Variants in PAPPA2 observed in about 807,000 individuals in gnomAD.
PAPPA2 encodes the protein pappalysin 2.
PAPPA2 carries 86 observed loss-of-function variants against 176.4 expected under a neutral mutation model. The observed-to-expected ratio is 0.49, with a 90% CI of 0.41 to 0.58. PAPPA2 has a LOEUF of 0.58. Ranked by LOEUF, PAPPA2 falls within the 20% of genes least tolerant of loss-of-function variation. PAPPA2 has a pLI of 0.00. For synonymous variants in PAPPA2, 809 were observed against 852.2 expected, an observed-to-expected ratio of 0.95 and a Z score of 0.88; for missense variants, 2,073 against 2,256.9, an observed-to-expected ratio of 0.92 and a Z score of 1.65.
At chr1:176,655,546 C>A (rs2102749904) in intron 3 of PAPPA2, among the ~76,000 whole-genome samples, 1 of 151,822 alleles carries the variant, frequency 6.6e-6, no homozygotes, top group South Asian at 2.1e-4. Flanking sequence ...TTATCATGAG[C>A]AAAATGCACA....
intron 3 of PAPPA2, among the ~76,000 whole-genome samples, chr1:176,607,545 C>G: frequency 6.6e-6 from 1 of 152,116 alleles, no homozygotes; most frequent in East Asian, 1.9e-4. Flanking sequence ...GATTTCATTC[C>G]TTTTTGTGGC....
chr1:176,595,309 G>C lies in PAPPA2; in HGVS notation c.1705G>C (p.Val569Leu), dbSNP rs766424114. Reference sequence around the variant, plus strand: ...CTACAACATCAGCTGGCAGCTGAGCGTCCACCAGGTCCACAATTCCACCCT... The same window carrying C: ...CTACAACATCAGCTGGCAGCTGAGCCTCCACCAGGTCCACAATTCCACCCT... The part of the protein sequence containing the change: ...SRYNISWQLS[V>L]HQVHNSTLRH... Residue 569 changes from valine to leucine, a missense_variant, in exon 3 of 23, where the codon GTC becomes CTC. Coordinates refer to ENST00000367662, the MANE Select transcript of PAPPA2 (RefSeq NM_020318.3). 6.2e-7 allele frequency: 1 copy of C among 1,614,184 alleles called. No individual in the cohort carries two copies. Among genetic ancestry groups the C allele is most frequent in the Non-Finnish European group, 8.5e-7 (1 of 1,180,024 alleles).
intron 7 of PAPPA2, 101 bp downstream of exon 7, chr1:176,695,960 ATGTGTATG>A: frequency 1.7e-6 from 2 of 1,184,732 alleles, no homozygotes; most frequent in Admixed American, 1.9e-5. Flanking sequence ...AAGGCAATGT[ATGTGTATG>A]TGTGTGTGTG....
chr1:176,639,173 G>T (rs1400217806), intron 3 of PAPPA2, among the ~76,000 whole-genome samples: 1 of 151,984 alleles, frequency 6.6e-6, no homozygotes, highest in Admixed American at 6.6e-5. Flanking sequence ...AACTCACATG[G>T]TTCTTTCTCC....
chr1:176,659,326 C>A (rs1407423405), intron 3 of PAPPA2, among the ~76,000 whole-genome samples: 2 of 152,012 alleles, frequency 1.3e-5, no homozygotes, highest in African/African-American at 4.8e-5. Flanking sequence ...AGGCTCCGCT[C>A]CTAGCTTTTA....
chr1:176,796,645 TTTCTTTCTTTTTCTTTC>T (rs1253140160), intron 20 of PAPPA2, among the ~76,000 whole-genome samples: 4 of 150,972 alleles, frequency 2.6e-5, no homozygotes, highest in African/African-American at 4.9e-5. Context: ...TTTCTTTTCT[TTTCTTTCTTTTTCTTTC>T]TTCTTTCTTT....
chr1:176,629,027 T>C (rs1656191829), intron 3 of PAPPA2, among the ~76,000 whole-genome samples: 1 of 152,138 alleles, frequency 6.6e-6, no homozygotes, highest in Non-Finnish European at 1.5e-5. Flanking sequence ...CTGACCCCCA[T>C]CTGTTGTGGT....
chr1:176,502,856 A>G (rs1648042784), intron 1 of PAPPA2, among the ~76,000 whole-genome samples: 1 of 152,190 alleles, frequency 6.6e-6, no homozygotes, highest in Admixed American at 6.6e-5. Context: ...AGGTGCCTGT[A>G]GAGTCCATGT....
intron 14 of PAPPA2, among the ~76,000 whole-genome samples, chr1:176,754,064 T>C (rs960221314): frequency 1.3e-5 from 2 of 149,166 alleles, no homozygotes; most frequent in Admixed American, 6.8e-5. Flanking sequence ...AGAGGAAAAA[T>C]GAAGAGGCCA....
chr1:176,551,989 C>T (rs141259534), intron 1 of PAPPA2, among the ~76,000 whole-genome samples: 4 of 152,200 alleles, frequency 2.6e-5, no homozygotes, highest in East Asian at 3.9e-4. Context: ...GCCTTGCAAT[C>T]GGATTTTGTA....
intron 1 of PAPPA2, among the ~76,000 whole-genome samples, chr1:176,538,734 T>C (rs748123289): frequency 3.5e-4 from 53 of 152,202 alleles, no homozygotes; most frequent in Non-Finnish European, 8.8e-5. Context: ...AAAAGTTTCT[T>C]TGCCTCATCA....
chr1:176,498,751 C>CAAAAAAAAAAAAAAAAA (rs1553352050), intron 1 of PAPPA2, among the ~76,000 whole-genome samples: 1 of 112,110 alleles, frequency 8.9e-6, no homozygotes, highest in Admixed American at 9.3e-5. Context: ...CTCTTACCTC[C>CAAAAAAAAAAAAAAAAA]AAAAAAAAAA....
chr1:176,739,147 G>A (rs1662553388), intron 12 of PAPPA2, among the ~76,000 whole-genome samples: 2 of 152,202 alleles, frequency 1.3e-5, no homozygotes, highest in African/African-American at 4.8e-5. Context: ...AAAAATTTTG[G>A]GGAGAGATAG....
intron 21 of PAPPA2, among the ~76,000 whole-genome samples, chr1:176,832,636 A>T (rs1452628682): frequency 6.6e-6 from 1 of 152,122 alleles, no homozygotes; most frequent in East Asian, 1.9e-4. Flanking sequence ...TACAGGCGTG[A>T]GTCACTGCAC....
chr1:176,643,026 A>G lies in PAPPA2; in HGVS notation c.1992-27944A>G, dbSNP rs2048066. ...TTTTTTCTATATGAGCATAAAAAAC[A>G]TATAAGACCTCACTGAATCCAAAAT... On this transcript the variant is annotated intron_variant, in intron 3 of 22. Transcript: ENST00000367662. 3.2e-4 allele frequency among the ~76,000 whole-genome samples: 48 copies of G among 152,022 alleles called. No individual in the cohort carries two copies. The South Asian group carries it at 9.7e-3, about 31-fold the overall frequency.
intron 3 of PAPPA2, among the ~76,000 whole-genome samples, chr1:176,647,697 T>C (rs1304785304): frequency 6.6e-6 from 1 of 151,612 alleles, no homozygotes; most frequent in African/African-American, 2.4e-5. Context: ...ATGTTTTTGG[T>C]ACCTTTGTCA....
chr1:176,501,041 C>T (rs1463017532), intron 1 of PAPPA2, among the ~76,000 whole-genome samples: 1 of 148,574 alleles, frequency 6.7e-6, no homozygotes, highest in African/African-American at 2.5e-5. Flanking sequence ...CATATATAGG[C>T]ATATACAATA....
intron 21 of PAPPA2, among the ~76,000 whole-genome samples, chr1:176,829,039 A>C (rs984130041): frequency 6.6e-6 from 1 of 152,062 alleles, no homozygotes. Flanking sequence ...AGGAAAGAAA[A>C]AGAACACTAA....
At chr1:176,842,348 G>A (rs764953872) in intron 22 of PAPPA2, 32 bp from the exon 23 acceptor site, 7 of 1,564,338 alleles carry the variant, frequency 4.5e-6, no homozygotes, top group African/African-American at 1.4e-5. Flanking sequence ...TCACAGAAAT[G>A]AGCTATTTCT....
Sources: gnomAD v4.1 joint callset for allele counts (sites outside exome capture counted in the v4.1 genomes callset) on GRCh38, gnomAD v4.1.1 for gene constraint, MANE v1.5 for transcripts, NCBI Gene and HGNC (gene_info 2026-07-23, HGNC 2026-07-21) for gene names.